PPM1B: variants seen among roughly 807,000 people sequenced by gnomAD.
PPM1B encodes the protein protein phosphatase, Mg2+/Mn2+ dependent 1B, also known as protein phosphatase 1B.
A neutral mutation model predicts 43.0 loss-of-function variants in PPM1B; 22 were observed. The ratio of observed to expected loss-of-function variants is 0.51; its 90% CI spans 0.37 to 0.73. PPM1B has a LOEUF of 0.73. Ranked by LOEUF, PPM1B falls within the 30% of genes least tolerant of loss-of-function variation. The pLI, the probability that PPM1B is intolerant of heterozygous loss-of-function variation, is 0.00. For synonymous variants in PPM1B, 217 were observed against 197.9 expected, an observed-to-expected ratio of 1.10 and a Z score of -0.81; for missense variants, 632 against 584.2, an observed-to-expected ratio of 1.08 and a Z score of -0.84.
intron 1 of PPM1B, among the ~76,000 whole-genome samples, chr2:44,199,653 G>A (rs1357285245): frequency 6.6e-6 from 1 of 152,118 alleles, no homozygotes; most frequent in Non-Finnish European, 1.5e-5. Context: ...AAACCAGCAT[G>A]TTCAAAAGTA....
intron 1 of PPM1B, among the ~76,000 whole-genome samples, chr2:44,193,193 A>G (rs2104083634): frequency 6.6e-6 from 1 of 152,328 alleles, no homozygotes; most frequent in Admixed American, 6.5e-5. Context: ...ATCAGTGTAC[A>G]AAGGTTCACT....
intron 5 of PPM1B, among the ~76,000 whole-genome samples, chr2:44,226,086 C>T (rs1670197070): frequency 6.6e-6 from 1 of 151,756 alleles, no homozygotes; most frequent in African/African-American, 2.4e-5. Context: ...CGCCATTCTC[C>T]TGCCTCAGCC....
chr2:44,216,902 CAAAA>C (rs34344485), intron 3 of PPM1B, among the ~76,000 whole-genome samples: 1 of 140,102 alleles, frequency 7.1e-6, no homozygotes. Context: ...TCCAGTGTCT[CAAAA>C]AAAAAAAAAG....
intron 5 of PPM1B, among the ~76,000 whole-genome samples, chr2:44,220,760 G>A (rs560335250): frequency 1.3e-5 from 2 of 152,350 alleles, no homozygotes; most frequent in African/African-American, 4.8e-5. Flanking sequence ...GACTTGGACA[G>A]TGATTGCTGT....
At chr2:44,213,338 ATTCT>A (rs1302668210) in intron 3 of PPM1B, among the ~76,000 whole-genome samples, 1 of 147,594 alleles carries the variant, frequency 6.8e-6, no homozygotes, top group Non-Finnish European at 1.5e-5. Flanking sequence ...TTATGTTTTG[ATTCT>A]TTTTTTTTTT....
chr2:44,183,593 C>A (rs998232420), intron 1 of PPM1B, among the ~76,000 whole-genome samples: 2 of 152,160 alleles, frequency 1.3e-5, no homozygotes, highest in African/African-American at 4.8e-5. Flanking sequence ...GCTTCAGCTT[C>A]TTTATTACAT....
intron 1 of PPM1B, among the ~76,000 whole-genome samples, chr2:44,199,011 C>T (rs939156598): frequency 6.6e-6 from 1 of 151,718 alleles, no homozygotes; most frequent in Admixed American, 6.6e-5. Flanking sequence ...GTGATCCTAG[C>T]ACTTTGGGAG....
chr2:44,172,455 T>C (rs1314160955), intron 1 of PPM1B, among the ~76,000 whole-genome samples: 1 of 152,228 alleles, frequency 6.6e-6, no homozygotes, highest in Non-Finnish European at 1.5e-5. Flanking sequence ...GATCATCAGC[T>C]TCTAGTGGCT....
At position 44,201,891 on chromosome 2, in the gene PPM1B, G is replaced by C. The variant is rs755137228; in HGVS notation, c.692G>C (p.Arg231Thr). 1 of 1,614,148 alleles carries C rather than the reference G, an allele frequency of 6.2e-7. No individual in the cohort carries two copies. The highest frequency in any genetic ancestry group is 8.5e-7 in the Non-Finnish European group (1 of 1,180,012). The change falls in exon 2 of 6, where the codon AGA (arginine) becomes ACA (threonine). Residue 231 changes from arginine (R) to threonine (T), a missense_variant. Around this residue, in one of 3 missense-constraint regions of PPM1B, gnomAD observed 392 missense variants for 302.7 expected, o/e 1.29. Transcript: ENST00000282412. The surrounding 1 kb of genome is among the most constrained non-coding windows in gnomAD (Gnocchi z 5.4). The stretch of plus-strand genomic sequence containing the variant: ...GAGCCTGAGGTTTATGAAATTTTAA[G>C]AGCAGAAGAGGATGAATTTATCATC... Reference protein sequence around the residue: ...SPEPEVYEILRAEEDEFIILA... With the variant: ...SPEPEVYEILTAEEDEFIILA...
chr2:44,201,168 C>T lies in PPM1B; in HGVS notation c.-14-18C>T, dbSNP rs377759395. 1.4e-5 allele frequency: 21 copies of T among 1,555,106 alleles called. No individual in the cohort carries two copies. In the African/African-American group the frequency reaches 2.9e-4, roughly 21 times the overall value. On this transcript the variant is annotated intron_variant, in intron 1 of 5. Coordinates refer to ENST00000282412, the MANE Select transcript of PPM1B (RefSeq NM_002706.6). This position sits in a 1 kb window ranked among gnomAD's most constrained non-coding sequence, Gnocchi z 5.4. ...TCTGTCAAATTTAAACATTTAACAC[C>T]TGCATTTTTTATTTCAGATTTATTG...
At chr2:44,224,533 A>T (rs567496818) in intron 5 of PPM1B, among the ~76,000 whole-genome samples, 2 of 151,646 alleles carry the variant, frequency 1.3e-5, no homozygotes, top group East Asian at 1.9e-4. Flanking sequence ...AATAAATATT[A>T]GCTGGTTAAA....
chr2:44,198,984 C>T (rs866852628), intron 1 of PPM1B, among the ~76,000 whole-genome samples: 10 of 152,018 alleles, frequency 6.6e-5, no homozygotes, highest in African/African-American at 9.7e-5. Flanking sequence ...CATGGCCGGG[C>T]GTGGTGGCTC....
chr2:44,239,486 A>G (rs188791692), downstream of PPM1B, among the ~76,000 whole-genome samples: 18 of 151,626 alleles, frequency 1.2e-4, no homozygotes, highest in Non-Finnish European at 2.1e-4. Context: ...TTTTTGCTGT[A>G]TGTTTTTCTT....
At chr2:44,211,956 T>C (rs1011717287) in intron 3 of PPM1B, among the ~76,000 whole-genome samples, 4 of 152,010 alleles carry the variant, frequency 2.6e-5, no homozygotes, top group African/African-American at 9.7e-5. Context: ...TCCATGTTGG[T>C]CAGGCTGATC....
chr2:44,245,584 C>G (rs1165888321), downstream of PPM1B, among the ~76,000 whole-genome samples: 1 of 152,174 alleles, frequency 6.6e-6, no homozygotes, highest in Non-Finnish European at 1.5e-5. Context: ...TGTACAATGA[C>G]TAGAGAGAAT....
chr2:44,178,474 A>ATATATATATATATATATATATAT (rs1445760590), intron 1 of PPM1B, among the ~76,000 whole-genome samples: 1 of 135,336 alleles, frequency 7.4e-6, no homozygotes, highest in African/African-American at 2.8e-5. Flanking sequence ...ATATATATAT[A>ATATATATATATATATATATATAT]TTTTTTTTTT....
At chr2:44,183,984 C>T (rs1427860453) in intron 1 of PPM1B, among the ~76,000 whole-genome samples, 2 of 152,108 alleles carry the variant, frequency 1.3e-5, no homozygotes, top group African/African-American at 2.4e-5. Flanking sequence ...GTGATCCGCC[C>T]GCCTCGGCCT....
rs375615381 is a variant in PPM1B, at chr2:44,230,455, G to A, written c.1177G>A (p.Val393Met). 13 of 1,614,062 alleles carry A rather than the reference G, an allele frequency of 8.1e-6. No homozygotes were observed. Among genetic ancestry groups the A allele is most frequent in the Non-Finnish European group, 1.1e-5 (13 of 1,180,022 alleles). ...AEESGSQGKL[V>M]EALRQMRINH... is the part of the protein sequence containing the mutation. Reference sequence around the variant, plus strand: ...GGAAAGTGGATCACAGGGAAAATTGGTGGAAGCTCTCAGGCAAATGAGAAT... The same window carrying A: ...GGAAAGTGGATCACAGGGAAAATTGATGGAAGCTCTCAGGCAAATGAGAAT... The change falls in exon 6 of 6, where the codon GTG (valine) becomes ATG (methionine). Residue 393 changes from valine to methionine, a missense_variant. By Grantham distance (21) the Val-to-Met change is conservative (BLOSUM62 1). This residue lies in a region of PPM1B where 392 missense variants were observed against 302.7 expected (regional missense o/e 1.29). Coordinates refer to ENST00000282412, the MANE Select transcript of PPM1B (RefSeq NM_002706.6).
chr2:44,223,006 A>AT (rs1328235357), intron 5 of PPM1B, among the ~76,000 whole-genome samples: 1 of 151,876 alleles, frequency 6.6e-6, no homozygotes, highest in Non-Finnish European at 1.5e-5. Context: ...AATTTTTTGT[A>AT]TTTTTTGTAG....
Sources: allele counts gnomAD v4.1 joint callset (sites outside exome capture counted in the v4.1 genomes callset), GRCh38; gene constraint gnomAD v4.1.1; regional missense constraint gnomAD v4.1.1; non-coding constraint Gnocchi (gnomAD v3.1); transcripts MANE v1.5; gene names NCBI Gene and HGNC (gene_info 2026-07-23, HGNC 2026-07-21).